Variants in PSMD11 observed in about 807,000 individuals in gnomAD.
PSMD11 encodes the protein 26S proteasome non-ATPase regulatory subunit 11.
In PSMD11, 5 loss-of-function variants were observed where a neutral mutation model predicts 62.3. The observed-to-expected ratio is 0.08, with a 90% CI of 0.04 to 0.17. PSMD11 has a LOEUF of 0.17. Among genes scored for constraint, PSMD11 ranks in the 10% least tolerant of loss-of-function variants. The pLI is 1.00. For missense variants in PSMD11, 310 were observed against 512.9 expected (o/e 0.60, Z 3.82); for synonymous variants, 191 against 191.8 (o/e 1.00, Z 0.03).
intron 2 of PSMD11, among the ~76,000 whole-genome samples, chr17:32,448,802 C>T (rs1315003893): frequency 6.6e-6 from 1 of 152,192 alleles, no homozygotes; most frequent in Non-Finnish European, 1.5e-5. Flanking sequence ...CTTAACAAAG[C>T]TCATTCAACT....
At chr17:32,454,742 A>ATG in intron 3 of PSMD11, 123 bp downstream of exon 3, 2 of 1,041,028 alleles carry the variant, frequency 1.9e-6, no homozygotes, top group Non-Finnish European at 2.7e-6. Context: ...CGCAGGACTT[A>ATG]TCATGTCAGT....
chr17:32,478,911 T>C (rs1308166162), intron 9 of PSMD11, among the ~76,000 whole-genome samples: 1 of 152,214 alleles, frequency 6.6e-6, no homozygotes, highest in Non-Finnish European at 1.5e-5. Flanking sequence ...TATTTTTTTT[T>C]TCTCTTAGAG....
intron 8 of PSMD11, among the ~76,000 whole-genome samples, chr17:32,476,388 T>C (rs1908322267): frequency 6.6e-6 from 1 of 152,210 alleles, no homozygotes; most frequent in Non-Finnish European, 1.5e-5. Context: ...GAGCTAGACT[T>C]TGAATTAGGG....
chr17:32,446,869 C>G, intron 1 of PSMD11, 76 bp from the exon 2 acceptor site: 1 of 776,232 alleles, frequency 1.3e-6, no homozygotes, highest in Admixed American at 2.4e-5. Flanking sequence ...TGTAATGGAT[C>G]TTATGAGGGT....
At chr17:32,464,392 C>G in intron 4 of PSMD11, 129 bp from the exon 5 acceptor site, 1 of 794,638 alleles carries the variant, frequency 1.3e-6, no homozygotes, top group Non-Finnish European at 2.0e-6. Context: ...TAGATCGTCT[C>G]TTATGCTGAA....
intron 2 of PSMD11, among the ~76,000 whole-genome samples, chr17:32,450,121 C>T (rs552328417): frequency 3.9e-5 from 6 of 152,254 alleles, no homozygotes; most frequent in East Asian, 1.9e-4. Flanking sequence ...CCACCACCCC[C>T]GGTTAATTTC....
chr17:32,459,313 G>T (rs951988209), intron 3 of PSMD11, among the ~76,000 whole-genome samples: 78 of 151,730 alleles, frequency 5.1e-4, no homozygotes, highest in African/African-American at 1.8e-3. Context: ...CAACTTCCTG[G>T]GCTCAGGTGA....
chr17:32,460,411 G>A (rs1907791123), intron 3 of PSMD11, among the ~76,000 whole-genome samples: 2 of 152,074 alleles, frequency 1.3e-5, no homozygotes, highest in Admixed American at 1.3e-4. Flanking sequence ...TTTGTGTTAA[G>A]GAGTTTGGTA....
intron 2 of PSMD11, among the ~76,000 whole-genome samples, chr17:32,451,325 G>GA (rs909480306): frequency 2.2e-4 from 34 of 152,294 alleles, no homozygotes; most frequent in African/African-American, 8.2e-4. Flanking sequence ...GCAAAAGATA[G>GA]AAATAACAGC....
Position 32,481,122 on chromosome 17 carries a change from C to T in PSMD11, c.*370C>T, listed in dbSNP as rs1430333784. 3 of 153,798 alleles carry T rather than the reference C, an allele frequency of 2.0e-5. No homozygotes were observed. The highest frequency in any genetic ancestry group is 1.3e-4 in the Admixed American group (2 of 15,518). 9.5% of individuals were successfully genotyped at this position (153,798 alleles called of 1,614,324 possible). A position where few individuals can be genotyped will look rare whatever the true frequency, so the allele number is the denominator to read the frequency against. On this transcript the variant is annotated 3_prime_UTR_variant, in exon 14 of 14. Transcript: ENST00000261712. The stretch of plus-strand genomic sequence containing the variant: ...AATCCACCTGCTGGGCATCACCTCT[C>T]CTCCTCCTCAGAATTGGGTGTTTGC...
chr17:32,469,332 A>G (rs769251245), intron 6 of PSMD11, 139 bp downstream of exon 6: 5 of 844,804 alleles, frequency 5.9e-6, no homozygotes, highest in Non-Finnish European at 8.9e-6. Flanking sequence ...TTAGAAAGCT[A>G]CCTTTCTAAC....
intron 5 of PSMD11, among the ~76,000 whole-genome samples, chr17:32,465,327 G>A (rs1460258569): frequency 6.6e-6 from 1 of 151,988 alleles, no homozygotes; most frequent in Non-Finnish European, 1.5e-5. Flanking sequence ...TGGCCATGCT[G>A]GTCTCAAACT....
intron 8 of PSMD11, among the ~76,000 whole-genome samples, 190 bp downstream of exon 8, chr17:32,475,014 G>A (rs1908276949): frequency 1.3e-5 from 2 of 152,290 alleles, no homozygotes; most frequent in East Asian, 1.9e-4. Flanking sequence ...GAAAGTCAGC[G>A]TTTGGTGCTC....
At chr17:32,454,242 A>G (rs1297438727) in intron 2 of PSMD11, among the ~76,000 whole-genome samples, 1 of 152,242 alleles carries the variant, frequency 6.6e-6, no homozygotes, top group Non-Finnish European at 1.5e-5. Flanking sequence ...AAGCAGAGAC[A>G]TGAGCTTTTC....
intron 5 of PSMD11, among the ~76,000 whole-genome samples, chr17:32,464,885 T>C (rs1907950011): frequency 6.6e-6 from 1 of 152,104 alleles, no homozygotes. Flanking sequence ...ATTTTGCATA[T>C]AGTACTCTGT....
At chr17:32,447,984 G>A (rs759764892) in intron 2 of PSMD11, among the ~76,000 whole-genome samples, 59 of 151,458 alleles carry the variant, frequency 3.9e-4, no homozygotes, top group Admixed American at 8.6e-4. Context: ...GGGTTCAAGC[G>A]ATTCTCCTTC....
At chr17:32,451,251 AG>A (rs1467456865) in intron 2 of PSMD11, among the ~76,000 whole-genome samples, 1 of 152,242 alleles carries the variant, frequency 6.6e-6, no homozygotes, top group Non-Finnish European at 1.5e-5. Flanking sequence ...GGTGTTAGAA[AG>A]GCACACTGCT....
At chr17:32,464,179 A>G in intron 4 of PSMD11, 59 bp downstream of exon 4, 3 of 1,438,756 alleles carry the variant, frequency 2.1e-6, no homozygotes, top group Non-Finnish European at 2.9e-6. Flanking sequence ...GGGTGAATGT[A>G]AGCAGTACCA....
intron 5 of PSMD11, among the ~76,000 whole-genome samples, chr17:32,464,925 A>C (rs1260897975): frequency 6.6e-6 from 1 of 152,132 alleles, no homozygotes. Context: ...TTTAAAGGCA[A>C]ATGTTTGGCT....
Sources: allele counts gnomAD v4.1 joint callset (sites outside exome capture counted in the v4.1 genomes callset), GRCh38; gene constraint gnomAD v4.1.1; transcripts MANE v1.5; gene names NCBI Gene and HGNC (gene_info 2026-07-23, HGNC 2026-07-21).